The following CDH18 variants were observed in gnomAD, a reference collection of about 807,000 sequenced individuals.
CDH18 encodes the protein cadherin-18.
In CDH18, 31 loss-of-function variants were observed where a neutral mutation model predicts 67.9. The observed-to-expected ratio is 0.46, with a 90% CI of 0.34 to 0.62. The LOEUF (loss-of-function observed/expected upper bound fraction) is 0.62, where lower values mean the gene tolerates loss of function less well. Among genes scored for constraint, CDH18 ranks in the 20% least tolerant of loss-of-function variants. The probability of loss-of-function intolerance (pLI) is 0.01; values close to 1 mark genes in which losing one functional copy is unlikely to be tolerated. For missense variants in CDH18, 890 were observed against 975.5 expected (o/e 0.91, Z 1.17); for synonymous variants, 362 against 347.2 (o/e 1.04, Z -0.48).
At chr5:19,706,696 C>T (rs149245265) in intron 5 of CDH18, among the ~76,000 whole-genome samples, 1,650 of 152,264 alleles carry the variant, frequency 0.011, 39 homozygotes, top group African/African-American at 0.037. Context: ...ACAGACAATG[C>T]CCCAGGCTAT....
intron 5 of CDH18, among the ~76,000 whole-genome samples, chr5:19,655,132 A>C (rs1420295035): frequency 6.6e-6 from 1 of 151,996 alleles, no homozygotes; most frequent in Non-Finnish European, 1.5e-5. Flanking sequence ...GCCCTCTTTT[A>C]CCCAGTATTT....
intron 1 of CDH18, among the ~76,000 whole-genome samples, chr5:20,285,048 C>G (rs1746579402): frequency 6.6e-6 from 1 of 151,676 alleles, no homozygotes; most frequent in Admixed American, 6.6e-5. Context: ...TTTGCCTAAA[C>G]CGTTATATCA....
chr5:20,208,821 A>C (rs1454289469), intron 2 of CDH18, among the ~76,000 whole-genome samples: 1 of 152,124 alleles, frequency 6.6e-6, no homozygotes, highest in Non-Finnish European at 1.5e-5. Context: ...CAAACTACTC[A>C]TTTGACAAGG....
At chr5:20,300,423 CT>C (rs1469223194) in intron 1 of CDH18, among the ~76,000 whole-genome samples, 4 of 151,592 alleles carry the variant, frequency 2.6e-5, no homozygotes, top group African/African-American at 4.9e-5. Flanking sequence ...CCAGGATGTA[CT>C]TTTTTTTCTA....
chr5:20,453,453 G>T (rs1253302922), intron 1 of CDH18, among the ~76,000 whole-genome samples: 1 of 151,986 alleles, frequency 6.6e-6, no homozygotes, highest in African/African-American at 2.4e-5. Flanking sequence ...CAACAAATAA[G>T]CTAGAAAGAA....
intron 2 of CDH18, among the ~76,000 whole-genome samples, chr5:19,853,424 C>CAT (rs1249084415): frequency 6.6e-6 from 1 of 152,044 alleles, no homozygotes; most frequent in African/African-American, 2.4e-5. Context: ...CAGCCTTGGG[C>CAT]ATATACATTT....
chr5:19,867,865 G>A (rs768108325), intron 2 of CDH18, among the ~76,000 whole-genome samples: 11 of 152,148 alleles, frequency 7.2e-5, no homozygotes, highest in Non-Finnish European at 1.3e-4. Flanking sequence ...ATCCCTACAT[G>A]TTGTGGGAGG....
intron 4 of CDH18, among the ~76,000 whole-genome samples, chr5:19,722,147 A>G (rs768639241): frequency 6.6e-6 from 1 of 152,090 alleles, no homozygotes; most frequent in Non-Finnish European, 1.5e-5. Flanking sequence ...TCTGCCTCCC[A>G]GATTCAAGCA....
At chr5:19,588,063 T>C (rs1744482327) in intron 7 of CDH18, among the ~76,000 whole-genome samples, 1 of 152,058 alleles carries the variant, frequency 6.6e-6, no homozygotes, top group Admixed American at 6.6e-5. Flanking sequence ...TGAATGAGAG[T>C]TCATTCATGA....
At chr5:19,805,341 C>T (rs1001417517) in intron 3 of CDH18, among the ~76,000 whole-genome samples, 1 of 152,168 alleles carries the variant, frequency 6.6e-6, no homozygotes, top group Admixed American at 6.5e-5. Flanking sequence ...ACTATGATTT[C>T]ACTTCCACTT....
At chr5:19,652,281 G>A (rs148707740) in intron 5 of CDH18, among the ~76,000 whole-genome samples, 11 of 152,134 alleles carry the variant, frequency 7.2e-5, no homozygotes, top group African/African-American at 2.4e-4. Flanking sequence ...CAGACCTAGT[G>A]CTATGAGAGA....
chr5:19,788,870 C>T (rs1176404930), intron 3 of CDH18, among the ~76,000 whole-genome samples: 1 of 152,160 alleles, frequency 6.6e-6, no homozygotes, highest in African/African-American at 2.4e-5. Context: ...CCAGCATTCA[C>T]CATGGCCTTT....
chr5:19,570,986 C>T (rs1022896341), intron 8 of CDH18, among the ~76,000 whole-genome samples: 48 of 152,294 alleles, frequency 3.2e-4, no homozygotes, highest in African/African-American at 1.1e-3. Flanking sequence ...GCTGATTTTC[C>T]TGTATTCAGA....
chr5:19,978,504 G>A (rs1036830263), intron 2 of CDH18, among the ~76,000 whole-genome samples: 1 of 151,964 alleles, frequency 6.6e-6, no homozygotes, highest in Non-Finnish European at 1.5e-5. Flanking sequence ...GTTTCCCATT[G>A]CCAGAAAGCA....
chr5:19,471,906 C>A lies in CDH18; in HGVS notation c.*1320G>T, dbSNP rs190483802. ...AGCTTTTATGCAATTGAATACTTTG[C>A]AGTTGGCAAAGCATTTTACAGATGC... On this transcript the variant is annotated 3_prime_UTR_variant, in exon 13 of 13. Transcript: ENST00000382275. 6.6e-6 allele frequency among the ~76,000 whole-genome samples: 1 copy of A among 152,124 alleles called. No individual in the cohort carries two copies. The highest frequency in any genetic ancestry group is 1.5e-5 in the Non-Finnish European group (1 of 68,036).
At chr5:19,874,702 T>G (rs1410406545) in intron 2 of CDH18, among the ~76,000 whole-genome samples, 2 of 152,216 alleles carry the variant, frequency 1.3e-5, no homozygotes, top group East Asian at 3.8e-4. Context: ...TATCATTTTA[T>G]TTTTATGTGT....
intron 2 of CDH18, among the ~76,000 whole-genome samples, chr5:20,065,262 G>A (rs1358832762): frequency 1.3e-5 from 2 of 151,924 alleles, no homozygotes; most frequent in Non-Finnish European, 2.9e-5. Context: ...TTGGGGGAAT[G>A]TCATTTGTGA....
chr5:20,014,119 G>A (rs1040003541), intron 2 of CDH18, among the ~76,000 whole-genome samples: 2 of 152,080 alleles, frequency 1.3e-5, no homozygotes, highest in Non-Finnish European at 2.9e-5. Context: ...GAGGCATAGA[G>A]GTACTGCTCT....
chr5:20,235,332 G>C (rs1260922547), intron 2 of CDH18, among the ~76,000 whole-genome samples: 1 of 152,002 alleles, frequency 6.6e-6, no homozygotes, highest in Non-Finnish European at 1.5e-5. Flanking sequence ...TATCAACAGA[G>C]TAAACAGACC....
Sources: allele counts gnomAD v4.1 joint callset (sites outside exome capture counted in the v4.1 genomes callset), GRCh38; gene constraint gnomAD v4.1.1; transcripts MANE v1.5; gene names NCBI Gene and HGNC (gene_info 2026-07-23, HGNC 2026-07-21).